The following LRRTM4 variants were observed in gnomAD, a reference collection of about 807,000 sequenced individuals.
LRRTM4 encodes the protein leucine-rich repeat transmembrane neuronal protein 4.
LRRTM4 carries 25 observed loss-of-function variants against 47.6 expected under a neutral mutation model. The ratio of observed to expected loss-of-function variants is 0.53; its 90% confidence interval spans 0.38 to 0.73. The LOEUF (loss-of-function observed/expected upper bound fraction) is 0.73. Ranked by LOEUF, LRRTM4 falls within the 30% of genes least tolerant of loss-of-function variation. The pLI, the probability that LRRTM4 is intolerant of heterozygous loss-of-function variation, is 0.00. For synonymous variants in LRRTM4, 311 were observed against 269.5 expected, an observed-to-expected ratio of 1.15 and a Z score of -1.51; for missense variants, 638 against 713.4, an observed-to-expected ratio of 0.89 and a Z score of 1.20.
chr2:76,894,502 G>C (rs945730417), intron 3 of LRRTM4, among the ~76,000 whole-genome samples: 1 of 151,968 alleles, frequency 6.6e-6, no homozygotes, highest in Non-Finnish European at 1.5e-5. Flanking sequence ...CACACTGTTA[G>C]GTGGCTACGA....
intron 3 of LRRTM4, among the ~76,000 whole-genome samples, chr2:77,134,314 T>C (rs1671876588): frequency 6.6e-6 from 1 of 152,110 alleles, no homozygotes; most frequent in African/African-American, 2.4e-5. Flanking sequence ...AAAAGTAGCC[T>C]AGAAGGTTGC....
chr2:77,032,785 ATAG>A (rs1300411537), intron 3 of LRRTM4, among the ~76,000 whole-genome samples: 5 of 152,140 alleles, frequency 3.3e-5, no homozygotes, highest in Non-Finnish European at 7.4e-5. Flanking sequence ...AACAGCATTT[ATAG>A]AAATTATGTT....
At chr2:76,853,128 T>G (rs547650399) in intron 3 of LRRTM4, among the ~76,000 whole-genome samples, 1 of 152,198 alleles carries the variant, frequency 6.6e-6, no homozygotes, top group African/African-American at 2.4e-5. Flanking sequence ...TTTTTCAGTT[T>G]TGTTTTTTGG....
chr2:76,911,887 A>T (rs1674070498), intron 3 of LRRTM4, among the ~76,000 whole-genome samples: 1 of 137,012 alleles, frequency 7.3e-6, no homozygotes, highest in Non-Finnish European at 1.5e-5. Context: ...AATTCTCCAC[A>T]ACCCTACTAA....
At chr2:76,917,496 A>G (rs1674292688) in intron 3 of LRRTM4, among the ~76,000 whole-genome samples, 1 of 152,106 alleles carries the variant, frequency 6.6e-6, no homozygotes, top group Non-Finnish European at 1.5e-5. Flanking sequence ...CCTCCAGGCC[A>G]TTTACCTATA....
chr2:77,465,622 G>A (rs148261201), intron 3 of LRRTM4, among the ~76,000 whole-genome samples: 150 of 152,096 alleles, frequency 9.9e-4, no homozygotes, highest in African/African-American at 3.4e-3. Context: ...GAAAATTTCC[G>A]GGAATTTTAT....
rs573208743 is a variant in LRRTM4, at chr2:76,895,604, A to G, written c.1552-146688T>C. On this transcript the variant is annotated intron_variant, in intron 3 of 3. Transcript: ENST00000409884. ...TAAATATTCCTCTACTTTTACCTTG[A>G]ACTCTAGATCTGTCCATGATCTACC... 1.1e-4 allele frequency among the ~76,000 whole-genome samples: 16 copies of G among 152,094 alleles called. No homozygotes were observed. The South Asian group carries it at 3.3e-3, about 32-fold the overall frequency.
intron 3 of LRRTM4, among the ~76,000 whole-genome samples, chr2:76,828,003 T>C (rs1485504337): frequency 2.6e-5 from 4 of 151,972 alleles, no homozygotes; most frequent in Non-Finnish European, 5.9e-5. Context: ...GAAATAGTGA[T>C]GGAATAAAAG....
At chr2:77,377,344 A>G (rs1028335275) in intron 3 of LRRTM4, among the ~76,000 whole-genome samples, 2 of 151,942 alleles carry the variant, frequency 1.3e-5, no homozygotes, top group African/African-American at 4.8e-5. Flanking sequence ...CACTATTGAT[A>G]TGTGTATATT....
intron 3 of LRRTM4, among the ~76,000 whole-genome samples, chr2:77,491,012 A>C (rs1455878795): frequency 4.6e-5 from 7 of 152,202 alleles, no homozygotes; most frequent in Admixed American, 4.6e-4. Context: ...AAGAGGACAG[A>C]ATATCCAAAT....
In LRRTM4 at chr2:77,518,754, T is replaced by G. The variant is rs764471967; in HGVS notation, c.1115A>C (p.His372Pro). Residue 372 changes from histidine to proline, a missense_variant, in exon 3 of 4, where the codon CAC becomes CCC. Coordinates refer to ENST00000409884, the MANE Select transcript of LRRTM4 (RefSeq NM_001134745.3). ...EVQVVNTERS[H>P]LVPQTPQKPL... is the part of the protein sequence containing the mutation. ...TTTCTGGGGAGTTTGGGGCACCAGG[T>G]GTGATCTTTCTGTGTTGACCACCTG... 6.2e-7 allele frequency: 1 copy of G among 1,613,324 alleles called. No homozygotes were observed. The highest frequency in any genetic ancestry group is 1.1e-5 in the South Asian group (1 of 91,068).
chr2:77,306,897 A>AT (rs774697360), intron 3 of LRRTM4, among the ~76,000 whole-genome samples: 14,938 of 112,346 alleles, frequency 0.13, 1,823 homozygotes, highest in East Asian at 0.43. Flanking sequence ...GCTTTTCCAT[A>AT]TTTTTTTTTT....
chr2:77,504,889 G>T (rs1283662695), intron 3 of LRRTM4, among the ~76,000 whole-genome samples: 1 of 151,298 alleles, frequency 6.6e-6, no homozygotes, highest in Non-Finnish European at 1.5e-5. Flanking sequence ...AGACATAAAA[G>T]AAAAATCTAA....
At chr2:77,278,571 A>G (rs1364408993) in intron 3 of LRRTM4, among the ~76,000 whole-genome samples, 10 of 152,000 alleles carry the variant, frequency 6.6e-5, no homozygotes, top group Non-Finnish European at 1.3e-4. Context: ...ATGTTCCCCA[A>G]AAGGTATATA....
At chr2:77,121,789 T>C (rs1671528688) in intron 3 of LRRTM4, among the ~76,000 whole-genome samples, 1 of 151,850 alleles carries the variant, frequency 6.6e-6, no homozygotes, top group South Asian at 2.1e-4. Context: ...AGTGAGATGA[T>C]ATTTAAGGTT....
At chr2:77,112,781 C>G (rs1312224488) in intron 3 of LRRTM4, among the ~76,000 whole-genome samples, 1 of 152,142 alleles carries the variant, frequency 6.6e-6, no homozygotes, top group Admixed American at 6.5e-5. Context: ...CCCATGCCCA[C>G]AGAACGGCTT....
At chr2:76,830,989 A>G (rs538749996) in intron 3 of LRRTM4, among the ~76,000 whole-genome samples, 1 of 152,126 alleles carries the variant, frequency 6.6e-6, no homozygotes, top group East Asian at 1.9e-4. Context: ...ACTTAGCATA[A>G]TTGGATTTGA....
chr2:77,370,113 A>G (rs559472314), intron 3 of LRRTM4, among the ~76,000 whole-genome samples: 14 of 151,844 alleles, frequency 9.2e-5, no homozygotes, highest in African/African-American at 3.4e-4. Flanking sequence ...GGAAAACCCA[A>G]ACTTTTCTGA....
chr2:76,969,286 C>G (rs377241575), intron 3 of LRRTM4, among the ~76,000 whole-genome samples: 5 of 151,936 alleles, frequency 3.3e-5, no homozygotes, highest in African/African-American at 1.2e-4. Flanking sequence ...TGTATAAGTT[C>G]TAGTAACTTT....
Sources: allele counts gnomAD v4.1 joint callset (sites outside exome capture counted in the v4.1 genomes callset), GRCh38; gene constraint gnomAD v4.1.1; transcripts MANE v1.5; gene names NCBI Gene and HGNC (gene_info 2026-07-23, HGNC 2026-07-21).